EPB41L4A: variants seen among roughly 807,000 people sequenced by gnomAD.
The protein encoded by EPB41L4A is band 4.1-like protein 4A.
In EPB41L4A, 100 loss-of-function variants were observed where a neutral mutation model predicts 108.6. The observed-to-expected ratio is 0.92, with a 90% confidence interval of 0.78 to 1.09. The LOEUF (loss-of-function observed/expected upper bound fraction) is 1.09. Ranked by LOEUF, EPB41L4A falls within the 50% of genes least tolerant of loss-of-function variation. The pLI is 0.00. For missense variants in EPB41L4A, 1,030 were observed against 842.7 expected (o/e 1.22, Z -2.75); for synonymous variants, 319 against 289.0 (o/e 1.10, Z -1.05).
At chr5:112,296,281 G>A (rs571070786) in intron 2 of EPB41L4A, among the ~76,000 whole-genome samples, 17 of 151,708 alleles carry the variant, frequency 1.1e-4, no homozygotes, top group Non-Finnish European at 1.9e-4. Context: ...CATTAAATCA[G>A]GTGCCTCTAA....
intron 1 of EPB41L4A, among the ~76,000 whole-genome samples, chr5:112,399,270 C>T (rs1472380223): frequency 6.6e-6 from 1 of 152,102 alleles, no homozygotes; most frequent in African/African-American, 2.4e-5. Flanking sequence ...CTCCTGTCAC[C>T]CCCATTCAGC....
At chr5:112,396,449 C>A (rs1224012421) in intron 1 of EPB41L4A, among the ~76,000 whole-genome samples, 1 of 152,194 alleles carries the variant, frequency 6.6e-6, no homozygotes, top group Non-Finnish European at 1.5e-5. Context: ...TGCTGTATAA[C>A]AAATTACCCC....
intron 1 of EPB41L4A, among the ~76,000 whole-genome samples, chr5:112,313,741 C>T (rs994693796): frequency 6.6e-6 from 1 of 151,048 alleles, no homozygotes; most frequent in Non-Finnish European, 1.5e-5. Context: ...GTTTATGCAC[C>T]GAGAAGTGTT....
intron 1 of EPB41L4A, among the ~76,000 whole-genome samples, chr5:112,418,045 G>C (rs969641465): frequency 3.3e-5 from 5 of 150,152 alleles, no homozygotes; most frequent in African/African-American, 1.3e-4. Context: ...TATCAGAGCG[G>C]GGGCGGGGGG....
chr5:112,316,840 T>C (rs1014314157), intron 1 of EPB41L4A, among the ~76,000 whole-genome samples: 1 of 152,184 alleles, frequency 6.6e-6, no homozygotes, highest in Admixed American at 6.5e-5. Context: ...CAGGATGGCT[T>C]CATTCACATA....
At position 112,236,295 on chromosome 5, in the gene EPB41L4A, T is replaced by C. The variant is rs568265259; in HGVS notation, c.966-1540A>G. ...ACAGGACCCAGCACTAGAACAAGCT[T>C]TCTGACCTCCTGCTGGTCAGTATGG... On this transcript the variant is annotated intron_variant, in intron 11 of 22. Transcript: ENST00000261486. Among the ~76,000 whole-genome samples, 14 of 152,308 alleles carry C rather than the reference T, an allele frequency of 9.2e-5. No homozygotes were observed. In the East Asian group the frequency reaches 2.5e-3, roughly 27 times the overall value.
chr5:112,355,440 T>C (rs1237424115), intron 1 of EPB41L4A, among the ~76,000 whole-genome samples: 1 of 152,184 alleles, frequency 6.6e-6, no homozygotes, highest in African/African-American at 2.4e-5. Context: ...TCCACAAACA[T>C]GTTTCACACT....
chr5:112,229,971 G>C (rs1370850054), intron 12 of EPB41L4A, among the ~76,000 whole-genome samples: 1 of 144,826 alleles, frequency 6.9e-6, no homozygotes, highest in African/African-American at 2.5e-5. Context: ...CTGGGAGGCA[G>C]AGCTAGACTC....
rs566648385 is a variant in EPB41L4A at position 112,227,185 on chromosome 5, T to A, written c.1087+7449A>T. 3.0e-4 allele frequency among the ~76,000 whole-genome samples: 45 copies of A among 152,208 alleles called. 1 individual carries two copies. In the South Asian group the frequency reaches 8.5e-3, roughly 29 times the overall value. On this transcript the variant is annotated intron_variant, in intron 12 of 22. Transcript: ENST00000261486. ...CTTCACACTCGATTTATACTGAATG[T>A]TCTAGATTTAAGTGAGAGTGTCCAA...
chr5:112,320,344 T>C (rs1390464637), intron 1 of EPB41L4A, among the ~76,000 whole-genome samples: 7 of 152,230 alleles, frequency 4.6e-5, no homozygotes, highest in Non-Finnish European at 8.8e-5. Flanking sequence ...AGGATTCTGC[T>C]GCAAGTATGG....
In EPB41L4A at chr5:112,239,745, AT is replaced by A; in HGVS notation, c.888-9del. 1 of 1,597,234 alleles carries A rather than the reference AT, an allele frequency of 6.3e-7. No homozygotes were observed. Among genetic ancestry groups the A allele is most frequent in the South Asian group, 1.1e-5 (1 of 89,304 alleles). ...GATTCATTTTCTGGCATTCTAATCA[AT>A]TTTTAAAAGAAAATCAGACAAAGAC... On this transcript the variant is annotated splice_polypyrimidine_tract_variant and intron_variant, in intron 10 of 22. Transcript: ENST00000261486.
intron 1 of EPB41L4A, among the ~76,000 whole-genome samples, chr5:112,314,631 AC>A (rs1474644254): frequency 6.6e-6 from 1 of 151,286 alleles, no homozygotes; most frequent in Non-Finnish European, 1.5e-5. Context: ...ACATGGTGAA[AC>A]CCTGTCTCTA....
intron 22 of EPB41L4A, among the ~76,000 whole-genome samples, chr5:112,167,611 AG>A (rs1489015942): frequency 6.6e-6 from 1 of 151,944 alleles, no homozygotes; most frequent in Non-Finnish European, 1.5e-5. Flanking sequence ...AATGTGTAAA[AG>A]TTCAACCCCC....
intron 11 of EPB41L4A, among the ~76,000 whole-genome samples, chr5:112,235,485 A>G (rs1162744938): frequency 6.6e-6 from 1 of 152,198 alleles, no homozygotes; most frequent in Admixed American, 6.5e-5. Flanking sequence ...TCATGCAGGT[A>G]AATATCATTT....
At chr5:112,290,146 T>A (rs1428556896) in intron 2 of EPB41L4A, among the ~76,000 whole-genome samples, 1 of 151,398 alleles carries the variant, frequency 6.6e-6, no homozygotes, top group Admixed American at 6.6e-5. Flanking sequence ...CAATTTAGCA[T>A]CATTTTTCCA....
At chr5:112,173,136 T>C (rs145361688) in intron 18 of EPB41L4A, among the ~76,000 whole-genome samples, 1 of 152,316 alleles carries the variant, frequency 6.6e-6, no homozygotes, top group East Asian at 1.9e-4. Context: ...TTTGTAAAGA[T>C]CCATTATGTG....
intron 12 of EPB41L4A, among the ~76,000 whole-genome samples, chr5:112,214,885 A>G (rs1203615907): frequency 1.3e-5 from 2 of 152,200 alleles, no homozygotes; most frequent in African/African-American, 4.8e-5. Flanking sequence ...TCTGCCTAAA[A>G]TATCTGGAAA....
intron 17 of EPB41L4A, among the ~76,000 whole-genome samples, chr5:112,187,371 T>G (rs1020704043): frequency 3.9e-5 from 6 of 152,222 alleles, no homozygotes; most frequent in African/African-American, 1.4e-4. Context: ...TTTTTGTTTT[T>G]CAGTTAATGT....
At chr5:112,398,654 G>A (rs769977919) in intron 1 of EPB41L4A, among the ~76,000 whole-genome samples, 3 of 152,154 alleles carry the variant, frequency 2.0e-5, no homozygotes, top group African/African-American at 7.2e-5. Context: ...CTCCCAAAGT[G>A]CTGGGATTAC....
Sources: gnomAD v4.1 joint callset for allele counts (sites outside exome capture counted in the v4.1 genomes callset) on GRCh38, gnomAD v4.1.1 for gene constraint, MANE v1.5 for transcripts, NCBI Gene and HGNC (gene_info 2026-07-23, HGNC 2026-07-21) for gene names.